The following TXNDC8 variants were observed in gnomAD, a reference collection of about 807,000 sequenced individuals.
The protein encoded by TXNDC8 is thioredoxin domain containing 8.
TXNDC8 carries 15 observed loss-of-function variants against 12.9 expected under a neutral mutation model. The observed-to-expected ratio is 1.16, with a 90% CI of 0.78 to 1.79. The LOEUF (loss-of-function observed/expected upper bound fraction) is 1.79. Among genes scored for constraint, TXNDC8 ranks in the 40% most tolerant of loss-of-function variants. The pLI is 0.00. For synonymous variants in TXNDC8, 40 were observed against 35.4 expected, an observed-to-expected ratio of 1.13 and a Z score of -0.46; for missense variants, 128 against 113.2, an observed-to-expected ratio of 1.13 and a Z score of -0.59.
intron 2 of TXNDC8, among the ~76,000 whole-genome samples, chr9:110,326,644 C>G (rs1839328731): frequency 6.6e-6 from 1 of 151,940 alleles, no homozygotes; most frequent in Non-Finnish European, 1.5e-5. Context: ...CTTTATAACT[C>G]TACTTGAGAC....
At chr9:110,315,223 G>A (rs1298266836) in intron 3 of TXNDC8, among the ~76,000 whole-genome samples, 5 of 151,636 alleles carry the variant, frequency 3.3e-5, no homozygotes, top group Non-Finnish European at 7.4e-5. Flanking sequence ...TCAGCCTCCC[G>A]AGTAGCTGGG....
intron 2 of TXNDC8, among the ~76,000 whole-genome samples, chr9:110,328,701 G>A (rs1839434170): frequency 6.6e-6 from 1 of 152,230 alleles, no homozygotes; most frequent in South Asian, 2.1e-4. Context: ...AGCGACTCGG[G>A]AGGCTGAGGC....
Position 110,334,278 on chromosome 9 carries a change from C to A in TXNDC8, c.67G>T (p.Ala23Ser), listed in dbSNP as rs146135369. 3.7e-6 allele frequency: 6 copies of A among 1,613,810 alleles called. No homozygotes were observed. The highest frequency in any genetic ancestry group is 1.7e-5 in the Admixed American group (1 of 60,022). ...CGTTTCGAAGAAAATTGAACCACTG[C>A]GAGTTTGTGTCCGGCAGCTGTCAAA... Residue 23 changes from alanine (A) to serine (S), a missense_variant, in exon 2 of 5, where the codon GCA (alanine) becomes TCA (serine). Transcript: ENST00000423740.
intron 2 of TXNDC8, among the ~76,000 whole-genome samples, chr9:110,333,553 A>T (rs754374570): frequency 1.3e-5 from 2 of 152,198 alleles, no homozygotes; most frequent in Non-Finnish European, 2.9e-5. Context: ...TTTAGTGTAG[A>T]TTCCATGTTA....
chr9:110,311,310 A>G (rs574009256), intron 3 of TXNDC8, among the ~76,000 whole-genome samples: 1 of 152,058 alleles, frequency 6.6e-6, no homozygotes, highest in South Asian at 2.1e-4. Context: ...CTAAAGTTAT[A>G]TTAAATTAAT....
At chr9:110,334,583 A>C (rs1442381662) in intron 1 of TXNDC8, among the ~76,000 whole-genome samples, 1 of 152,156 alleles carries the variant, frequency 6.6e-6, no homozygotes, top group Non-Finnish European at 1.5e-5. Flanking sequence ...GTACCATGCC[A>C]TTGTTCTCTA....
At chr9:110,335,440 T>G (rs1013085878) in intron 1 of TXNDC8, among the ~76,000 whole-genome samples, 2 of 152,158 alleles carry the variant, frequency 1.3e-5, no homozygotes, top group African/African-American at 4.8e-5. Context: ...TGCTAATACA[T>G]AGTACTCTGT....
chr9:110,305,788 CTTTCTTTTCT>C (rs201046810), intron 3 of TXNDC8, among the ~76,000 whole-genome samples: 12 of 90,680 alleles, frequency 1.3e-4, no homozygotes, highest in African/African-American at 1.9e-4. Context: ...CTTTTCTTTT[CTTTCTTTTCT>C]TTTCTTTTCT....
At chr9:110,317,933 T>C (rs79549798) in intron 3 of TXNDC8, among the ~76,000 whole-genome samples, 4,870 of 152,318 alleles carry the variant, frequency 0.032, 197 homozygotes, top group East Asian at 0.091. Context: ...CTTTGTTATA[T>C]ATTCCTGGAG....
chr9:110,337,160 C>T (rs977346446), intron 1 of TXNDC8, among the ~76,000 whole-genome samples: 5 of 152,164 alleles, frequency 3.3e-5, no homozygotes, highest in Non-Finnish European at 5.9e-5. Context: ...GCCCCAAACC[C>T]CCTCCCCTCC....
intron 3 of TXNDC8, among the ~76,000 whole-genome samples, chr9:110,305,831 CT>C (rs1838447110): frequency 3.3e-5 from 4 of 119,762 alleles, no homozygotes; most frequent in South Asian, 5.3e-4. Flanking sequence ...CCTTTCCTTT[CT>C]TTTCCTTTCT....
At chr9:110,325,265 T>C (rs983143073) in intron 3 of TXNDC8, among the ~76,000 whole-genome samples, 10 of 152,344 alleles carry the variant, frequency 6.6e-5, no homozygotes, top group Non-Finnish European at 1.2e-4. Flanking sequence ...CTGAGTCATG[T>C]TAATTCATTT....
intron 3 of TXNDC8, among the ~76,000 whole-genome samples, chr9:110,325,284 C>A (rs966577628): frequency 2.6e-5 from 4 of 152,108 alleles, no homozygotes; most frequent in African/African-American, 9.7e-5. Flanking sequence ...TTAATTATCA[C>A]ACCAACCCTA....
intron 4 of TXNDC8, chr9:110,303,805 T>G (rs1489674136): frequency 3.0e-6 from 3 of 1,011,046 alleles, no homozygotes; most frequent in Non-Finnish European, 4.3e-6. Context: ...TTGCCAGATC[T>G]CTATAATTCT....
chr9:110,311,263 G>A (rs7872799), intron 3 of TXNDC8, among the ~76,000 whole-genome samples: 3,842 of 151,728 alleles, frequency 0.025, 149 homozygotes, highest in African/African-American at 0.087. Context: ...ATACAACGGG[G>A]AAAATACTTG....
At chr9:110,330,970 TTTAGTTTTTGTGTGTCTGAAAA>T (rs1839522728) in intron 2 of TXNDC8, among the ~76,000 whole-genome samples, 1 of 152,162 alleles carries the variant, frequency 6.6e-6, no homozygotes, top group Admixed American at 6.5e-5. Flanking sequence ...TTAGTAAACT[TTTAGTTTTTGTGTGTCTGAAAA>T]TGTCTTGAAT....
chr9:110,330,913 CTTG>C (rs1839519725), intron 2 of TXNDC8, among the ~76,000 whole-genome samples: 1 of 150,462 alleles, frequency 6.6e-6, no homozygotes, highest in Non-Finnish European at 1.5e-5. Flanking sequence ...TTTTTTTTTT[CTTG>C]TTGTAATACA....
At chr9:110,311,400 C>G (rs1283865378) in intron 3 of TXNDC8, among the ~76,000 whole-genome samples, 2 of 149,242 alleles carry the variant, frequency 1.3e-5, no homozygotes, top group African/African-American at 2.5e-5. Context: ...GAAGTGTGTC[C>G]TTTTTAAAAA....
At chr9:110,314,654 T>G (rs1028871360) in intron 3 of TXNDC8, among the ~76,000 whole-genome samples, 2 of 151,940 alleles carry the variant, frequency 1.3e-5, no homozygotes, top group Non-Finnish European at 2.9e-5. Flanking sequence ...GGATGGTCTC[T>G]ATCTCCTGAC....
Sources: gnomAD v4.1 joint callset for allele counts (sites outside exome capture counted in the v4.1 genomes callset) on GRCh38, gnomAD v4.1.1 for gene constraint, MANE v1.5 for transcripts, NCBI Gene and HGNC (gene_info 2026-07-23, HGNC 2026-07-21) for gene names.